The following SV2C variants were observed in gnomAD, a reference collection of about 807,000 sequenced individuals.
SV2C encodes synaptic vesicle glycoprotein 2C.
SV2C carries 49 observed loss-of-function variants against 79.7 expected under a neutral mutation model. The ratio of observed to expected loss-of-function variants is 0.61; its 90% CI spans 0.49 to 0.78. SV2C has a LOEUF of 0.78. SV2C is among the 30% of genes least tolerant of loss of function. The probability of loss-of-function intolerance (pLI) is 0.00; values close to 1 mark genes in which losing one functional copy is unlikely to be tolerated. For synonymous variants in SV2C, 334 were observed against 333.2 expected (o/e 1.00, Z -0.03); for missense variants, 833 against 912.9 (o/e 0.91, Z 1.13).
chr5:75,897,402 G>T, the SV2C span, among the ~76,000 whole-genome samples: 644 of 151,322 alleles, frequency 4.3e-3, 3 homozygotes, highest in African/African-American at 0.015. Context: ...ATTTCTGAGG[G>T]CTGTGCTCTG....
the SV2C span, among the ~76,000 whole-genome samples, chr5:76,001,215 AAGAGGGTCTGGGGGCTGCAGGGAGC>A: frequency 6.6e-6 from 1 of 152,144 alleles, no homozygotes; most frequent in Non-Finnish European, 1.5e-5. Context: ...TAGAGAGAGG[AAGAGGGTCTGGGGGCTGCAGGGAGC>A]AGAGGGTGGC....
rs1002274372 is a variant in SV2C, at chr5:76,327,364, A to G, written c.*1817A>G. ...ACCAAAAACTGCAAAGGTGGCAGGA[A>G]GAAGAAAAATCACTGAAGGCTAGAC... On this transcript the variant is annotated 3_prime_UTR_variant, in exon 13 of 13. Transcript: ENST00000502798. The G allele has an allele frequency of 6.6e-6, 1 of 152,298 alleles. No homozygotes were observed. The highest frequency in any genetic ancestry group is 1.5e-5 in the Non-Finnish European group (1 of 68,092). 9.4% of individuals were successfully genotyped at this position (152,298 alleles called of 1,614,324 possible).
At chr5:76,025,784 A>G in the SV2C span, among the ~76,000 whole-genome samples, 1 of 152,150 alleles carries the variant, frequency 6.6e-6, no homozygotes, top group African/African-American at 2.4e-5. Flanking sequence ...GTATCACTCT[A>G]TTAGGTTTCT....
At chr5:75,876,043 A>G in the SV2C span, among the ~76,000 whole-genome samples, 3 of 152,154 alleles carry the variant, frequency 2.0e-5, no homozygotes, top group Non-Finnish European at 2.9e-5. Flanking sequence ...CAGAACTACC[A>G]TCCAACCCAG....
At chr5:76,154,155 A>G (rs1742653497) in intron 2 of SV2C, among the ~76,000 whole-genome samples, 1 of 152,282 alleles carries the variant, frequency 6.6e-6, no homozygotes, top group Middle Eastern at 3.4e-3. Context: ...TCTCCCACTC[A>G]TTGTCAACCT....
At position 76,349,020 on chromosome 5, in the gene SV2C, G is replaced by C. The variant is rs1455644287; in HGVS notation, c.2001-4110G>C. ...TCTCGAAAAAGAGAAAAAGAACATG[G>C]ATGCTAGAGCCAAATTTCCTGGGTC... On this transcript the variant is annotated intron_variant, in intron 12 of 12. Coordinates refer to the SV2C transcript ENST00000322285. 2.0e-5 allele frequency among the ~76,000 whole-genome samples: 3 copies of C among 151,442 alleles called. No homozygotes were observed. The East Asian group carries it at 5.9e-4, about 30-fold the overall frequency.
chr5:76,314,899 A>G (rs902054258), intron 12 of SV2C, among the ~76,000 whole-genome samples: 7 of 152,170 alleles, frequency 4.6e-5, no homozygotes, highest in African/African-American at 1.7e-4. Flanking sequence ...TCATTCCATC[A>G]TTATTTACCC....
chr5:75,982,970 G>A, the SV2C span, among the ~76,000 whole-genome samples: 1 of 152,272 alleles, frequency 6.6e-6, no homozygotes, highest in Admixed American at 6.5e-5. Flanking sequence ...TTGGAGGGGG[G>A]AGGGTGAATA....
the SV2C span, among the ~76,000 whole-genome samples, chr5:76,003,204 G>C: frequency 6.6e-6 from 1 of 152,120 alleles, no homozygotes; most frequent in Non-Finnish European, 1.5e-5. Flanking sequence ...AGAATTGTGA[G>C]TCAATGAAAC....
the SV2C span, among the ~76,000 whole-genome samples, chr5:76,028,694 A>G: frequency 1.3e-5 from 2 of 152,328 alleles, no homozygotes; most frequent in East Asian, 3.9e-4. Flanking sequence ...TACAGTGCCA[A>G]TCAGGGTTCT....
chr5:75,877,289 A>G, the SV2C span, among the ~76,000 whole-genome samples: 5 of 152,112 alleles, frequency 3.3e-5, no homozygotes, highest in Non-Finnish European at 7.4e-5. Flanking sequence ...ACGAAAATAT[A>G]TGAAGCAAAT....
chr5:75,888,145 A>G, the SV2C span, among the ~76,000 whole-genome samples: 6 of 152,060 alleles, frequency 3.9e-5, no homozygotes, highest in Non-Finnish European at 7.4e-5. Context: ...TGTTCATCTC[A>G]GTCCATTGTG....
chr5:76,103,602 T>C (rs956685154), intron 1 of SV2C, among the ~76,000 whole-genome samples: 2 of 152,232 alleles, frequency 1.3e-5, no homozygotes, highest in African/African-American at 4.8e-5. Flanking sequence ...TTGTATGCTC[T>C]TATAGCAATA....
At chr5:75,998,401 T>A in the SV2C span, among the ~76,000 whole-genome samples, 1 of 152,148 alleles carries the variant, frequency 6.6e-6, no homozygotes, top group African/African-American at 2.4e-5. Context: ...AGTATACTCA[T>A]GCCATCACTA....
At chr5:76,009,422 A>G in the SV2C span, among the ~76,000 whole-genome samples, 1 of 152,172 alleles carries the variant, frequency 6.6e-6, no homozygotes, top group Non-Finnish European at 1.5e-5. Context: ...ATATATCCAG[A>G]AGAAAACAAA....
intron 4 of SV2C, among the ~76,000 whole-genome samples, chr5:76,255,539 G>C (rs1025236480): frequency 4.1e-4 from 63 of 152,162 alleles, no homozygotes; most frequent in African/African-American, 1.5e-3. Flanking sequence ...GCCCTAGAGT[G>C]GTCCTTTGGC....
chr5:75,899,030 C>G, the SV2C span, among the ~76,000 whole-genome samples: 1 of 152,142 alleles, frequency 6.6e-6, no homozygotes, highest in Non-Finnish European at 1.5e-5. Flanking sequence ...CTCCTGGATT[C>G]ATTAATTTGT....
chr5:76,156,028 A>T (rs1216005419), intron 2 of SV2C, among the ~76,000 whole-genome samples: 2 of 151,080 alleles, frequency 1.3e-5, no homozygotes, highest in African/African-American at 4.9e-5. Context: ...GGAGATATAG[A>T]TTAAGTTGTA....
At chr5:75,873,495 A>T in the SV2C span, among the ~76,000 whole-genome samples, 1 of 152,110 alleles carries the variant, frequency 6.6e-6, no homozygotes, top group Non-Finnish European at 1.5e-5. Context: ...TTCTTTCTGG[A>T]CATCTATTTG....
Sources: allele counts gnomAD v4.1 joint callset (sites outside exome capture counted in the v4.1 genomes callset), GRCh38; gene constraint gnomAD v4.1.1; transcripts MANE v1.5; gene names NCBI Gene and HGNC (gene_info 2026-07-23, HGNC 2026-07-21).